GALNT13: variants seen among roughly 807,000 people sequenced by gnomAD.
The protein encoded by GALNT13 is UDP-GalNAc:polypeptide N-acetylgalactosaminyltransferase 13.
Under a neutral mutation model 64.2 loss-of-function variants are expected in GALNT13, and 28 were observed. The ratio of observed to expected loss-of-function variants is 0.44; its 90% CI spans 0.32 to 0.60. GALNT13 has a LOEUF of 0.60. Ranked by LOEUF, GALNT13 falls within the 20% of genes least tolerant of loss-of-function variation. The probability of loss-of-function intolerance (pLI) is 0.05; values close to 1 mark genes in which losing one functional copy is unlikely to be tolerated. For synonymous variants in GALNT13, 214 were observed against 224.6 expected, an observed-to-expected ratio of 0.95 and a Z score of 0.42; for missense variants, 577 against 669.8, an observed-to-expected ratio of 0.86 and a Z score of 1.53.
the GALNT13 span, among the ~76,000 whole-genome samples, chr2:153,353,018 A>C: frequency 6.6e-6 from 1 of 152,112 alleles, no homozygotes; most frequent in Non-Finnish European, 1.5e-5. Flanking sequence ...ATTGGGATGT[A>C]TTGATTCTAT....
the GALNT13 span, among the ~76,000 whole-genome samples, chr2:153,315,390 G>A: frequency 6.6e-6 from 1 of 152,132 alleles, no homozygotes; most frequent in African/African-American, 2.4e-5. Context: ...CTTTTATAAA[G>A]ATACTAATCA....
chr2:154,143,589 G>A (rs917797865), intron 4 of GALNT13, among the ~76,000 whole-genome samples: 10 of 151,164 alleles, frequency 6.6e-5, no homozygotes, highest in Non-Finnish European at 1.3e-4. Context: ...AGGCACGGTG[G>A]CTCACACCTG....
the GALNT13 span, among the ~76,000 whole-genome samples, chr2:153,232,450 T>G: frequency 6.6e-6 from 1 of 152,218 alleles, no homozygotes; most frequent in African/African-American, 2.4e-5. Flanking sequence ...CTTGTTTTAT[T>G]TATAGCCTTC....
chr2:153,454,109 A>G, the GALNT13 span, among the ~76,000 whole-genome samples: 2 of 152,174 alleles, frequency 1.3e-5, no homozygotes, highest in African/African-American at 4.8e-5. Flanking sequence ...TGACACTATT[A>G]GAGGGGTCTA....
chr2:153,735,424 A>G, the GALNT13 span, among the ~76,000 whole-genome samples: 1 of 152,178 alleles, frequency 6.6e-6, no homozygotes, highest in Non-Finnish European at 1.5e-5. Flanking sequence ...AAAAATAGGT[A>G]AAGTTGATAT....
Position 154,152,733 on chromosome 2 carries a change from C to T in GALNT13, c.311+12228C>T, listed in dbSNP as rs190962210. ...TCCAGTTGATCGCATCGGCTCCTGA[C>T]ACTTCTGCATTCTTCATGTAGTTCT... On this transcript the variant is annotated intron_variant, in intron 4 of 12. Coordinates refer to ENST00000392825, the MANE Select transcript of GALNT13 (RefSeq NM_052917.4). Among the ~76,000 whole-genome samples, 699 of 152,280 alleles carry T rather than the reference C, an allele frequency of 4.6e-3. 5 individuals carry two copies. Among genetic ancestry groups the T allele is most frequent in the African/African-American group, 0.016 (655 of 41,556 alleles).
the GALNT13 span, among the ~76,000 whole-genome samples, chr2:153,519,445 T>C: frequency 6.6e-6 from 1 of 152,196 alleles, no homozygotes; most frequent in Non-Finnish European, 1.5e-5. Context: ...AGATTTCCAA[T>C]TGGCTAACAA....
At chr2:153,419,675 C>T in the GALNT13 span, among the ~76,000 whole-genome samples, 1 of 152,150 alleles carries the variant, frequency 6.6e-6, no homozygotes, top group African/African-American at 2.4e-5. Context: ...CACACACATA[C>T]ACACACTACA....
At chr2:153,484,056 A>G in the GALNT13 span, among the ~76,000 whole-genome samples, 1 of 152,226 alleles carries the variant, frequency 6.6e-6, no homozygotes, top group Admixed American at 6.5e-5. Flanking sequence ...CCACAATAAA[A>G]TATTCTAAAT....
At chr2:153,591,756 C>T in the GALNT13 span, among the ~76,000 whole-genome samples, 2 of 151,986 alleles carry the variant, frequency 1.3e-5, no homozygotes, top group African/African-American at 4.8e-5. Context: ...GAAAACTCTT[C>T]TGGACATTAG....
At chr2:153,875,410 A>G (rs1686293135) in intron 1 of GALNT13, among the ~76,000 whole-genome samples, 1 of 152,188 alleles carries the variant, frequency 6.6e-6, no homozygotes, top group East Asian at 1.9e-4. Context: ...AAAATCTGAT[A>G]TTGTTTGAGA....
chr2:154,018,890 A>T (rs1697221116), intron 3 of GALNT13, among the ~76,000 whole-genome samples: 1 of 151,914 alleles, frequency 6.6e-6, no homozygotes, highest in Non-Finnish European at 1.5e-5. Flanking sequence ...AAAGAGAGGA[A>T]GAAGGAAGCC....
At chr2:153,361,192 C>T in the GALNT13 span, among the ~76,000 whole-genome samples, 715 of 152,124 alleles carry the variant, frequency 4.7e-3, 4 homozygotes, top group African/African-American at 0.016. Flanking sequence ...AAAAATGTCC[C>T]CACAAAAACC....
chr2:154,298,441 T>A (rs1185273510), intron 8 of GALNT13, among the ~76,000 whole-genome samples: 1 of 135,528 alleles, frequency 7.4e-6, no homozygotes, highest in Non-Finnish European at 1.5e-5. Flanking sequence ...ATATATAAAT[T>A]ATATATAATT....
chr2:153,675,486 T>G, the GALNT13 span, among the ~76,000 whole-genome samples: 1 of 151,546 alleles, frequency 6.6e-6, no homozygotes, highest in African/African-American at 2.4e-5. Flanking sequence ...TAAGTGGGAG[T>G]TGAATAACAA....
At chr2:153,689,905 T>A in the GALNT13 span, among the ~76,000 whole-genome samples, 1 of 152,078 alleles carries the variant, frequency 6.6e-6, no homozygotes, top group Non-Finnish European at 1.5e-5. Flanking sequence ...CTCTTCAGAC[T>A]TCTTTTGTCT....
the GALNT13 span, among the ~76,000 whole-genome samples, chr2:153,490,331 T>C: frequency 6.6e-6 from 1 of 152,232 alleles, no homozygotes; most frequent in Admixed American, 6.5e-5. Flanking sequence ...TTTGCCTGTT[T>C]AAGAAATTTT....
At chr2:153,154,136 C>G in the GALNT13 span, among the ~76,000 whole-genome samples, 1 of 151,994 alleles carries the variant, frequency 6.6e-6, no homozygotes, top group Non-Finnish European at 1.5e-5. Flanking sequence ...TGGCTGTGTC[C>G]TCACCCAAAT....
At chr2:153,739,623 T>C in the GALNT13 span, among the ~76,000 whole-genome samples, 8 of 69,354 alleles carry the variant, frequency 1.2e-4, no homozygotes, top group Admixed American at 4.9e-4. Flanking sequence ...GAGATTTTAT[T>C]TATTATTTTA....
Sources: gnomAD v4.1 joint callset for allele counts (sites outside exome capture counted in the v4.1 genomes callset) on GRCh38, gnomAD v4.1.1 for gene constraint, MANE v1.5 for transcripts, NCBI Gene and HGNC (gene_info 2026-07-23, HGNC 2026-07-21) for gene names.